The following ARRDC1 variants were observed in gnomAD, a reference collection of about 807,000 sequenced individuals.
The protein encoded by ARRDC1 is arrestin domain-containing protein 1.
Under a neutral mutation model 40.1 loss-of-function variants are expected in ARRDC1, and 37 were observed. That is an observed-to-expected ratio of 0.92 (90% CI 0.71 to 1.21). ARRDC1 has a LOEUF of 1.21. Ranked by LOEUF, ARRDC1 falls within the 50% of genes most tolerant of loss-of-function variation. ARRDC1 has a pLI of 0.00. For missense variants in ARRDC1, 641 were observed against 581.9 expected, an observed-to-expected ratio of 1.10 and a Z score of -1.04; for synonymous variants, 310 against 262.5, an observed-to-expected ratio of 1.18 and a Z score of -1.75.
chr9:137,609,186 G>C (rs1185749615), intron 1 of ARRDC1, among the ~76,000 whole-genome samples: 1 of 152,118 alleles, frequency 6.6e-6, no homozygotes, highest in East Asian at 1.9e-4. Context: ...AGTTTGACTG[G>C]AATAAGGGGT....
chr9:137,606,079 A>G (rs1330543605), intron 1 of ARRDC1, among the ~76,000 whole-genome samples: 1 of 150,146 alleles, frequency 6.7e-6, no homozygotes, highest in Non-Finnish European at 1.5e-5. Context: ...AAGCGGGTCC[A>G]CTGTGGAGGA....
chr9:137,614,468 A>T lies in ARRDC1; in HGVS notation c.788A>T (p.Tyr263Phe), dbSNP rs1842618979. 1 of 1,613,158 alleles carries T rather than the reference A, an allele frequency of 6.2e-7. No homozygotes were observed. The highest frequency in any genetic ancestry group is 2.2e-5 in the East Asian group (1 of 44,842). Residue 263 changes from tyrosine to phenylalanine, a missense_variant, in exon 6 of 8, where the codon TAC becomes TTC. By Grantham distance (22) the Tyr-to-Phe change is conservative. Coordinates refer to ENST00000371421, the MANE Select transcript of ARRDC1 (RefSeq NM_152285.4). ...TGCAGCCTCATCCACATCGACTACT[A>T]CTTACAGGTTTGGTGCTGCTGGGGG... ...PGCSLIHIDY[Y>F]LQVSLKAPEA...
chr9:137,614,553 G>C lies in ARRDC1; in HGVS notation c.796-6G>C. On this transcript the variant is annotated splice_polypyrimidine_tract_variant and splice_region_variant and intron_variant, in intron 6 of 7. Transcript: ENST00000371421. ...GCCCCTCATGCCCCACCTCAATCCT[G>C]TCCAGGTCTCTCTGAAGGCGCCGGA... 10 of 1,613,072 alleles carry C rather than the reference G, an allele frequency of 6.2e-6. No homozygotes were observed. Among genetic ancestry groups the C allele is most frequent in the Non-Finnish European group, 8.5e-6 (10 of 1,179,934 alleles).
At chr9:137,606,290 G>GC (rs1471093083) in intron 1 of ARRDC1, among the ~76,000 whole-genome samples, 1 of 152,078 alleles carries the variant, frequency 6.6e-6, no homozygotes, top group African/African-American at 2.4e-5. Flanking sequence ...GGCCTCGCCG[G>GC]CCCCCCGCCG....
chr9:137,605,843 C>G lies in ARRDC1; in HGVS notation c.118+8C>G, dbSNP rs761351576. ...CACCGCTGCCGTTCCGAGGTGGGCG[C>G]GGGTCCTCGGGGAGGGCCTTTGGCC... On this transcript the variant is annotated splice_region_variant and intron_variant, in intron 1 of 7. Transcript: ENST00000371421. 2 of 1,242,008 alleles carry G rather than the reference C, an allele frequency of 1.6e-6. No individual in the cohort carries two copies. Among genetic ancestry groups the G allele is most frequent in the South Asian group, 5.9e-5 (2 of 34,158 alleles). The allele number at this position is 1,242,008 out of a possible 1,614,324, so 76.9% of individuals were successfully genotyped here. A position where few individuals can be genotyped will look rare whatever the true frequency, so the allele number is the denominator to read the frequency against.
At chr9:137,607,099 A>T (rs760148319) in intron 1 of ARRDC1, among the ~76,000 whole-genome samples, 15 of 152,242 alleles carry the variant, frequency 9.9e-5, no homozygotes, top group Non-Finnish European at 1.5e-5. Flanking sequence ...GTCCTACCTC[A>T]CAGAGGCTGG....
rs1370773318 is a variant in ARRDC1 at position 137,613,312 on chromosome 9, A to G, written c.230-148A>G. On this transcript the variant is annotated intron_variant, in intron 2 of 7. Coordinates refer to ENST00000371421, the MANE Select transcript of ARRDC1 (RefSeq NM_152285.4). ...ATCCTCAGTCCTTCACCCAAGCCACAGCCCTGTGCTGCTGTGGCGCTGGTG... is the reference window on the plus strand; with the variant it reads ...ATCCTCAGTCCTTCACCCAAGCCACGGCCCTGTGCTGCTGTGGCGCTGGTG... The G allele has an allele frequency of 5.5e-6, 5 of 916,650 alleles. No homozygotes were observed. In the Admixed American group the frequency reaches 8.6e-5, roughly 16 times the overall value. 56.8% of individuals were successfully genotyped at this position (916,650 alleles called of 1,614,324 possible).
intron 1 of ARRDC1, among the ~76,000 whole-genome samples, chr9:137,606,036 C>T (rs1842416907): frequency 6.6e-6 from 1 of 151,312 alleles, no homozygotes; most frequent in Admixed American, 6.6e-5. Flanking sequence ...CCTGCCCTCT[C>T]GCCGAGGGGC....
At chr9:137,612,550 C>T (rs1842549594) in intron 1 of ARRDC1, 2 of 299,224 alleles carry the variant, frequency 6.7e-6, no homozygotes, top group African/African-American at 2.3e-5. Flanking sequence ...CGAGTGTCTC[C>T]TGTAGGCAGC....
intron 2 of ARRDC1, 50 bp from the exon 3 acceptor site, chr9:137,613,400 GTGGCCACCTC>G: frequency 1.3e-6 from 2 of 1,577,354 alleles, no homozygotes; most frequent in Non-Finnish European, 1.7e-6. Flanking sequence ...TCCTGGCCCT[GTGGCCACCTC>G]AGGCCACCTC....
At chr9:137,612,816 A>G in intron 1 of ARRDC1, 80 bp from the exon 2 acceptor site, 1 of 1,112,662 alleles carries the variant, frequency 9.0e-7, no homozygotes, top group South Asian at 1.3e-5. Context: ...GCTTGGCCCC[A>G]GGTCGAATTC....
intron 1 of ARRDC1, among the ~76,000 whole-genome samples, chr9:137,607,672 C>T (rs887286873): frequency 6.6e-6 from 1 of 152,222 alleles, no homozygotes; most frequent in Admixed American, 6.5e-5. Flanking sequence ...GCAAGTGGCA[C>T]GGTTGTTACT....
At chr9:137,613,987 A>G (rs1220570496) in intron 4 of ARRDC1, 45 bp from the exon 5 acceptor site, 2 of 1,606,578 alleles carry the variant, frequency 1.2e-6, no homozygotes, top group African/African-American at 1.3e-5. Flanking sequence ...ACAGGGATCC[A>G]GCCTGCGCAC....
Position 137,615,080 on chromosome 9 carries a change from C to G in ARRDC1, c.1244C>G (p.Pro415Arg). Residue 415 changes from proline to arginine, a missense_variant, in exon 8 of 8, where the codon CCA becomes CGA. Physicochemically the swap from Pro to Arg is moderately radical, Grantham distance 103. Transcript: ENST00000371421. ...YSSWGYPYEA[P>R]PSYEQSCGGV... is the part of the protein sequence containing the mutation. ...CCCTGCTTTCTTCCCGCAGAGGCCCCACCGTCTTATGAGCAGAGCTGCGGC... is the reference window on the plus strand; with the variant it reads ...CCCTGCTTTCTTCCCGCAGAGGCCCGACCGTCTTATGAGCAGAGCTGCGGC... 6.3e-7 allele frequency: 1 copy of G among 1,596,760 alleles called. No individual in the cohort carries two copies. Among genetic ancestry groups the G allele is most frequent in the Non-Finnish European group, 8.5e-7 (1 of 1,170,460 alleles).
intron 2 of ARRDC1, 97 bp downstream of exon 2, chr9:137,613,103 C>T (rs770201204): frequency 6.8e-5 from 67 of 985,746 alleles, no homozygotes; most frequent in Non-Finnish European, 1.0e-4. Context: ...AGATCTGCCT[C>T]TTGGATCTGG....
At position 137,614,341 on chromosome 9, in the gene ARRDC1, A is replaced by C. The variant is rs758077545; in HGVS notation, c.661A>C (p.Thr221Pro). The change falls in exon 6 of 8, where the codon ACC (threonine) becomes CCC (proline). Residue 221 changes from threonine to proline, a missense_variant. Thr to Pro is a conservative substitution (Grantham distance 38, BLOSUM62 -1). Coordinates refer to ENST00000371421, the MANE Select transcript of ARRDC1 (RefSeq NM_152285.4). The stretch of plus-strand genomic sequence containing the variant: ...CAAGCGCTGGATCCACGACGTACGG[A>C]CCATTGCGGAGGTGGAGGGTGCGGG... Reference protein sequence around the residue: ...KAKRWIHDVRTIAEVEGAGVK... With the variant: ...KAKRWIHDVRPIAEVEGAGVK... 1 of 1,612,106 alleles carries C rather than the reference A, an allele frequency of 6.2e-7. No homozygotes were observed. The highest frequency in any genetic ancestry group is 8.5e-7 in the Non-Finnish European group (1 of 1,179,192).
In ARRDC1 at chr9:137,612,885, C is replaced by A. The variant is rs370696314; in HGVS notation, c.119-11C>A. On this transcript the variant is annotated splice_polypyrimidine_tract_variant and intron_variant, in intron 1 of 7. Transcript: ENST00000371421. ...GGCTGGCTGGGGCTCATGCAGCCAT[C>A]CCCTTTGCAGCCATCCGGGTGACCT... is the stretch of plus-strand genomic sequence containing the variant. 3.1e-6 allele frequency: 5 copies of A among 1,607,746 alleles called. No homozygotes were observed. Among genetic ancestry groups the A allele is most frequent in the South Asian group, 1.1e-5 (1 of 90,802 alleles).
At position 137,613,655 on chromosome 9, in the gene ARRDC1, C is replaced by G. The variant is rs780827485; in HGVS notation, c.321C>G (p.Ile107Met). ...PTSFEGPFGK[I>M]VHQVRAAIHT... ...CCTTTGAGGGTCCTTTCGGGAAGAT[C>G]GTGCACCAGGTGAGGGCCGCCATCC... The change falls in exon 4 of 8, where the codon ATC (isoleucine) becomes ATG (methionine). Residue 107 changes from isoleucine (I) to methionine (M), a missense_variant. Transcript: ENST00000371421. 10 of 1,614,186 alleles carry G rather than the reference C, an allele frequency of 6.2e-6. No homozygotes were observed. The highest frequency in any genetic ancestry group is 8.5e-6 in the Non-Finnish European group (10 of 1,180,028).
chr9:137,613,500 C>T lies in ARRDC1; in HGVS notation c.270C>T (p.Phe90=). The change falls in exon 3 of 8, where the codon TTC becomes TTT. Residue 90 remains phenylalanine (F), a synonymous_variant. Coordinates refer to ENST00000371421, the MANE Select transcript of ARRDC1 (RefSeq NM_152285.4). The part of the protein sequence containing the change: ...PAGEHSFPFQ[F]LLPATAPTSF... The stretch of plus-strand genomic sequence containing the variant: ...GAGAGCACAGCTTCCCCTTCCAGTT[C>T]CTGCTTCCTGGTGAGAGCCCAGCCT... 1.2e-6 allele frequency: 2 copies of T among 1,613,648 alleles called. No homozygotes were observed. Among genetic ancestry groups the T allele is most frequent in the Admixed American group, 3.3e-5 (2 of 59,980 alleles).
Sources: gnomAD v4.1 joint callset for allele counts (sites outside exome capture counted in the v4.1 genomes callset) on GRCh38, gnomAD v4.1.1 for gene constraint, MANE v1.5 for transcripts, NCBI Gene and HGNC (gene_info 2026-07-23, HGNC 2026-07-21) for gene names.